The following PCDHGA11 variants were observed in gnomAD, a reference collection of about 807,000 sequenced individuals.
PCDHGA11 encodes protocadherin gamma subfamily A, 11.
A neutral mutation model predicts 60.4 loss-of-function variants in PCDHGA11; 39 were observed. The ratio of observed to expected loss-of-function variants is 0.65; its 90% CI spans 0.50 to 0.84. The LOEUF is 0.84. PCDHGA11 is among the 40% of genes least tolerant of loss of function. The probability of loss-of-function intolerance (pLI) is 0.00; values close to 1 mark genes in which losing one functional copy is unlikely to be tolerated. For missense variants in PCDHGA11, 1,165 were observed against 1,197.7 expected, an observed-to-expected ratio of 0.97 and a Z score of 0.40; for synonymous variants, 533 against 510.3, an observed-to-expected ratio of 1.04 and a Z score of -0.60.
intron 1 of PCDHGA11, among the ~76,000 whole-genome samples, chr5:141,482,530 C>CGAAAAAAA (rs2099566141): frequency 1.3e-5 from 1 of 76,562 alleles, no homozygotes; most frequent in African/African-American, 4.8e-5. Context: ...GACAGACATG[C>CGAAAAAAA]AAAAAAAAAA....
At chr5:141,472,980 C>CAAAAAAAAAAAA (rs60579131) in intron 1 of PCDHGA11, among the ~76,000 whole-genome samples, 2 of 86,098 alleles carry the variant, frequency 2.3e-5, no homozygotes, top group African/African-American at 3.9e-5. Context: ...GAGTGAAACT[C>CAAAAAAAAAAAA]AAAAAAAAAA....
At chr5:141,442,848 T>C (rs1210778801) in intron 1 of PCDHGA11, among the ~76,000 whole-genome samples, 2 of 152,236 alleles carry the variant, frequency 1.3e-5, no homozygotes, top group Non-Finnish European at 2.9e-5. Context: ...ATCTTGGCCA[T>C]TGTAGTATGA....
At chr5:141,468,849 G>C (rs1349849817) in intron 1 of PCDHGA11, among the ~76,000 whole-genome samples, 2 of 152,058 alleles carry the variant, frequency 1.3e-5, no homozygotes, top group East Asian at 3.9e-4. Flanking sequence ...CTGGGCAACA[G>C]AGCGAGACTC....
intron 3 of PCDHGA11, 110 bp downstream of exon 3, chr5:141,505,591 G>T: frequency 6.4e-7 from 1 of 1,570,280 alleles, no homozygotes; most frequent in Non-Finnish European, 8.7e-7. Flanking sequence ...AGTTTCTCCA[G>T]ATCTTTCGGC....
At chr5:141,463,438 CTTTTTTTTTTTTTT>C (rs71576115) in intron 1 of PCDHGA11, among the ~76,000 whole-genome samples, 7 of 103,256 alleles carry the variant, frequency 6.8e-5, no homozygotes, top group Non-Finnish European at 9.4e-5. Flanking sequence ...TTTCCTTCTC[CTTTTTTTTTTTTTT>C]TTTTTTTTTT....
chr5:141,436,998 A>G (rs985067199), intron 1 of PCDHGA11, among the ~76,000 whole-genome samples: 23 of 152,242 alleles, frequency 1.5e-4, no homozygotes, highest in South Asian at 2.1e-4. Flanking sequence ...GTTTACTTCA[A>G]TGGGATCTTA....
At chr5:141,510,828 C>T in intron 3 of PCDHGA11, 119 bp from the exon 4 acceptor site, 18 of 1,572,154 alleles carry the variant, frequency 1.1e-5, no homozygotes, top group Non-Finnish European at 1.6e-5. Context: ...ATTCCCAGTG[C>T]TCAGCGTGGT....
chr5:141,491,233 G>T lies in PCDHGA11; in HGVS notation c.2434-3574G>T. 1 of 1,614,224 alleles carries T rather than the reference G, an allele frequency of 6.2e-7. No homozygotes were observed. The highest frequency in any genetic ancestry group is 2.2e-5 in the East Asian group (1 of 44,890). On this transcript the variant is annotated intron_variant, in intron 1 of 3. Transcript: ENST00000398587. The surrounding 1 kb of genome is among the most constrained non-coding windows in gnomAD (Gnocchi z 6.9). ...CTCCTCCACAGCCACAGTGCTGCTG[G>T]TTCTGGAGGATGAGGACCCTGAGGA...
At position 141,489,108 on chromosome 5, in the gene PCDHGA11, A is replaced by C; in HGVS notation, c.2434-5699A>C. The C allele has an allele frequency of 2.0e-6, 1 of 489,086 alleles. No individual in the cohort carries two copies. The highest frequency in any genetic ancestry group is 3.5e-6 in the Non-Finnish European group (1 of 287,626). 30.3% of individuals were successfully genotyped at this position (489,086 alleles called of 1,614,324 possible). On this transcript the variant is annotated intron_variant, in intron 1 of 3. Transcript: ENST00000398587. This position sits in a 1 kb window ranked among gnomAD's most constrained non-coding sequence, Gnocchi z 4.5. The stretch of plus-strand genomic sequence containing the variant: ...TCGGTGACTAAGAACTGCTGCAAGC[A>C]GGCAAACCTCCGAGCAGTTTTTAAG...
chr5:141,511,581 T>C lies in PCDHGA11; in HGVS notation c.*408T>C, dbSNP rs2099883862. ...TCTTTCCCGAGTAAGGTGGTTGGGG[T>C]GTTGAAGTACCAAGTAACCTACAAG... On this transcript the variant is annotated 3_prime_UTR_variant, in exon 4 of 4. Transcript: ENST00000398587. 1 of 281,638 alleles carries C rather than the reference T, an allele frequency of 3.6e-6. No homozygotes were observed. The highest frequency in any genetic ancestry group is 2.2e-5 in the African/African-American group (1 of 46,302). 17.4% of individuals were successfully genotyped at this position (281,638 alleles called of 1,614,324 possible). A position where few individuals can be genotyped will look rare whatever the true frequency, so the allele number is the denominator to read the frequency against.
chr5:141,429,450 A>G (rs1326036711), intron 1 of PCDHGA11, among the ~76,000 whole-genome samples: 1 of 152,114 alleles, frequency 6.6e-6, no homozygotes, highest in East Asian at 1.9e-4. Context: ...CTTGGGCTAC[A>G]GTAATCCTCC....
intron 1 of PCDHGA11, among the ~76,000 whole-genome samples, chr5:141,442,843 G>C (rs1264073611): frequency 2.0e-5 from 3 of 152,134 alleles, no homozygotes; most frequent in African/African-American, 7.2e-5. Flanking sequence ...GACAAATCTT[G>C]GCCATTGTAG....
chr5:141,446,251 A>G (rs979768028), intron 1 of PCDHGA11, among the ~76,000 whole-genome samples: 1 of 152,178 alleles, frequency 6.6e-6, no homozygotes, highest in Admixed American at 6.5e-5. Context: ...ATCTTCAGTG[A>G]AATATTATTA....
At chr5:141,504,381 T>C (rs1039838477) in intron 2 of PCDHGA11, among the ~76,000 whole-genome samples, 4 of 152,130 alleles carry the variant, frequency 2.6e-5, no homozygotes, top group Non-Finnish European at 5.9e-5. Context: ...GTGGAGTCGC[T>C]GCCTCACAGA....
At chr5:141,436,764 A>G (rs1248797699) in intron 1 of PCDHGA11, among the ~76,000 whole-genome samples, 1 of 152,214 alleles carries the variant, frequency 6.6e-6, no homozygotes, top group East Asian at 1.9e-4. Flanking sequence ...GGTATAATGG[A>G]ATGATTTGTG....
At chr5:141,468,889 G>T (rs2099184580) in intron 1 of PCDHGA11, among the ~76,000 whole-genome samples, 1 of 151,496 alleles carries the variant, frequency 6.6e-6, no homozygotes, top group African/African-American at 2.4e-5. Flanking sequence ...ATAATAATAA[G>T]GTACTAATAT....
chr5:141,428,173 C>G, intron 1 of PCDHGA11: 1 of 1,514,730 alleles, frequency 6.6e-7, no homozygotes. Context: ...CTGTGCGTGA[C>G]GGAGGACAGC....
intron 1 of PCDHGA11, chr5:141,430,741 A>T (rs370226249): frequency 6.7e-6 from 10 of 1,498,900 alleles, no homozygotes; most frequent in Non-Finnish European, 8.9e-6. Flanking sequence ...ATTGAAAATA[A>T]TTCTGGAGGA....
In PCDHGA11 at chr5:141,477,815, G is replaced by C; in HGVS notation, c.2434-16992G>C. On this transcript the variant is annotated intron_variant, in intron 1 of 3. Coordinates refer to ENST00000398587, the MANE Select transcript of PCDHGA11 (RefSeq NM_018914.3). The surrounding 1 kb of genome is among the most constrained non-coding windows in gnomAD (Gnocchi z 4.9). ...TGATCGCAATGACAATGCCCCCCAG[G>C]TCCTATATCCTCGGCCAGGTGGGAG... 1 of 1,614,106 alleles carries C rather than the reference G, an allele frequency of 6.2e-7. No homozygotes were observed. Among genetic ancestry groups the C allele is most frequent in the Non-Finnish European group, 8.5e-7 (1 of 1,180,034 alleles).
Sources: allele counts gnomAD v4.1 joint callset (sites outside exome capture counted in the v4.1 genomes callset), GRCh38; gene constraint gnomAD v4.1.1; non-coding constraint Gnocchi (gnomAD v3.1); transcripts MANE v1.5; gene names NCBI Gene and HGNC (gene_info 2026-07-23, HGNC 2026-07-21).